FIG4: variants seen among roughly 807,000 people sequenced by gnomAD.
FIG4 encodes FIG4 phosphoinositide 5-phosphatase, also known as polyphosphoinositide phosphatase.
A neutral mutation model predicts 118.6 loss-of-function variants in FIG4; 112 were observed. That is an observed-to-expected ratio of 0.94 (90% CI 0.81 to 1.11). FIG4 has a LOEUF of 1.11. FIG4 is among the 50% of genes least tolerant of loss of function. FIG4 has a pLI of 0.00. For missense variants in FIG4, 969 were observed against 1,111.7 expected, an observed-to-expected ratio of 0.87 and a Z score of 1.83; for synonymous variants, 369 against 381.2, an observed-to-expected ratio of 0.97 and a Z score of 0.37.
intron 3 of FIG4, among the ~76,000 whole-genome samples, chr6:109,718,181 C>T (rs1242327214): frequency 6.6e-6 from 1 of 152,092 alleles, no homozygotes; most frequent in Non-Finnish European, 1.5e-5. Context: ...TTTTAAGCAA[C>T]ACTTTTAAGC....
chr6:109,769,639 C>T (rs376559953), intron 15 of FIG4, among the ~76,000 whole-genome samples: 85 of 149,388 alleles, frequency 5.7e-4, no homozygotes, highest in Non-Finnish European at 9.9e-4. Flanking sequence ...AAAAAAAAAG[C>T]GCTGGGCACA....
intron 22 of FIG4, among the ~76,000 whole-genome samples, chr6:109,811,767 T>A (rs1778727774): frequency 1.3e-5 from 2 of 152,132 alleles, no homozygotes; most frequent in Non-Finnish European, 2.9e-5. Context: ...CAGGAGCTGT[T>A]TTAAATTAGG....
At chr6:109,719,845 G>A (rs1775552913) in intron 3 of FIG4, among the ~76,000 whole-genome samples, 1 of 151,868 alleles carries the variant, frequency 6.6e-6, no homozygotes, top group Non-Finnish European at 1.5e-5. Context: ...TTTGCTTTTA[G>A]CATATTCCTA....
intron 1 of FIG4, among the ~76,000 whole-genome samples, chr6:109,711,617 G>C (rs1318622105): frequency 6.6e-6 from 1 of 151,844 alleles, no homozygotes; most frequent in Non-Finnish European, 1.5e-5. Context: ...CCGTTTGCTT[G>C]ATAGATTTTA....
intron 21 of FIG4, among the ~76,000 whole-genome samples, chr6:109,795,595 C>CTTT (rs72384711): frequency 0.4 from 27,485 of 69,114 alleles, 11,855 homozygotes; most frequent in Non-Finnish European, 0.52. Flanking sequence ...GGTTTCAGTC[C>CTTT]TTTTTTTTTT....
At position 109,791,381 on chromosome 6, in the gene FIG4, A is replaced by G; in HGVS notation, c.2186A>G (p.Lys729Arg). The change falls in exon 20 of 23, where the codon AAA becomes AGA. Residue 729 changes from lysine (K) to arginine (R), a missense_variant. By Grantham distance (26) the Lys-to-Arg change is conservative (BLOSUM62 2). This residue lies in a region of FIG4 where 330 missense variants were observed against 348.1 expected (regional missense o/e 0.95). Transcript: ENST00000230124. ...CCATATTATTCTTTTAAAAGAAACA[A>G]AAGCAATAGAGAAGAAGCTGTATTA... ...DETGKSVLGN[K>R]SNREEAVLQR... 6.2e-7 allele frequency: 1 copy of G among 1,612,542 alleles called. No individual in the cohort carries two copies. The highest frequency in any genetic ancestry group is 1.3e-5 in the African/African-American group (1 of 75,056).
chr6:109,741,711 C>T (rs1776329896), intron 8 of FIG4, among the ~76,000 whole-genome samples, 167 bp downstream of exon 8: 1 of 152,136 alleles, frequency 6.6e-6, no homozygotes, highest in East Asian at 1.9e-4. Context: ...TAGGAACCCT[C>T]TTCCCATCCA....
chr6:109,747,256 G>A (rs1182942344), intron 10 of FIG4, among the ~76,000 whole-genome samples: 1 of 152,080 alleles, frequency 6.6e-6, no homozygotes, highest in Non-Finnish European at 1.5e-5. Context: ...GGGCATGGAT[G>A]AGATGCCCAT....
chr6:109,757,500 A>G (rs1372177956), intron 10 of FIG4, among the ~76,000 whole-genome samples: 1 of 152,226 alleles, frequency 6.6e-6, no homozygotes, highest in South Asian at 2.1e-4. Context: ...ACCCACAGCC[A>G]ATATCATACT....
chr6:109,824,181 G>A (rs963674441), intron 22 of FIG4, among the ~76,000 whole-genome samples: 1 of 152,210 alleles, frequency 6.6e-6, no homozygotes, highest in African/African-American at 2.4e-5. Flanking sequence ...TGGGAATGGA[G>A]GGATATTTTT....
At chr6:109,751,289 C>T (rs915698009) in intron 10 of FIG4, among the ~76,000 whole-genome samples, 1 of 151,886 alleles carries the variant, frequency 6.6e-6, no homozygotes, top group Admixed American at 6.6e-5. Context: ...AAAAACTCAC[C>T]ATGCTCTGCT....
chr6:109,796,935 A>G, intron 22 of FIG4, 84 bp downstream of exon 22: 2 of 855,460 alleles, frequency 2.3e-6, no homozygotes, highest in Non-Finnish European at 4.0e-6. Flanking sequence ...TAAGAAAAAG[A>G]TTCACTCTTG....
chr6:109,738,095 T>G (rs1181525066), intron 6 of FIG4, among the ~76,000 whole-genome samples: 1 of 152,162 alleles, frequency 6.6e-6, no homozygotes, highest in Non-Finnish European at 1.5e-5. Flanking sequence ...AAGGGATTTC[T>G]TTGACTTTTT....
chr6:109,720,994 T>A (rs1160763430), intron 3 of FIG4, among the ~76,000 whole-genome samples: 1 of 152,200 alleles, frequency 6.6e-6, no homozygotes, highest in African/African-American at 2.4e-5. Flanking sequence ...TACTACTCAG[T>A]TCTGTTATCA....
Position 109,707,289 on chromosome 6 carries a change from ATATGTG to A in FIG4, c.67-7787_67-7782del, listed in dbSNP as rs1486406336. ...GATGTGTGTGTGTGTGTATATATAT[ATATGTG>A]TGTGTGTGTGTGTATGTGTATATAT... On this transcript the variant is annotated intron_variant, in intron 1 of 22. Coordinates refer to ENST00000230124, the MANE Select transcript of FIG4 (RefSeq NM_014845.6). Among the ~76,000 whole-genome samples the A allele has an allele frequency of 2.7e-4, 39 of 145,162 alleles. No homozygotes were observed. The South Asian group carries it at 8.4e-3, about 31-fold the overall frequency.
intron 1 of FIG4, among the ~76,000 whole-genome samples, chr6:109,708,227 A>C (rs1392788244): frequency 6.6e-6 from 1 of 152,122 alleles, no homozygotes. Flanking sequence ...GAGAACTTGC[A>C]GTATTTGGTT....
intron 3 of FIG4, among the ~76,000 whole-genome samples, chr6:109,718,291 A>G (rs977832601): frequency 6.6e-6 from 1 of 152,204 alleles, no homozygotes; most frequent in Non-Finnish European, 1.5e-5. Flanking sequence ...ACCTCCCACC[A>G]GGCCCCATCT....
rs571649446 is a variant in FIG4, at chr6:109,795,095, G to GTTTTTTTTTTT, written c.2460-1640_2460-1630dup. Reference sequence around the variant, plus strand: ...TCCTCAAAGCTTCATACACTTGCCAGTTTTTTTTTTTTTTTTTTTTTTTTT... The same window carrying GTTTTTTTTTTT: ...TCCTCAAAGCTTCATACACTTGCCAGTTTTTTTTTTTTTTTTTTTTTTTTTTTTTTTTTTTT... On this transcript the variant is annotated intron_variant, in intron 21 of 22. Transcript: ENST00000230124. Among the ~76,000 whole-genome samples the GTTTTTTTTTTT allele has an allele frequency of 2.0e-3, 117 of 57,250 alleles. 43 individuals carry two copies. Among genetic ancestry groups the GTTTTTTTTTTT allele is most frequent in the Non-Finnish European group, 3.2e-3 (92 of 28,708 alleles). The allele number at this position is 57,250 out of a possible 152,430, so 37.6% of individuals were successfully genotyped here.
At chr6:109,785,086 A>T in intron 17 of FIG4, 58 bp downstream of exon 17, 1 of 933,706 alleles carries the variant, frequency 1.1e-6, no homozygotes. Context: ...TTATACCTTA[A>T]TGAACTTGAA....
Sources: gnomAD v4.1 joint callset for allele counts (sites outside exome capture counted in the v4.1 genomes callset) on GRCh38, gnomAD v4.1.1 for gene constraint, gnomAD v4.1.1 regional missense constraint, MANE v1.5 for transcripts, NCBI Gene and HGNC (gene_info 2026-07-23, HGNC 2026-07-21) for gene names.